Variants in ADCK1 observed in about 807,000 individuals in gnomAD.
The protein encoded by ADCK1 is aarF domain-containing protein kinase 1.
In ADCK1, 41 loss-of-function variants were observed where a neutral mutation model predicts 52.3. That is an observed-to-expected ratio of 0.78 (90% CI 0.61 to 1.02). The LOEUF is 1.02. Ranked by LOEUF, ADCK1 falls within the 50% of genes least tolerant of loss-of-function variation. ADCK1 has a pLI of 0.00. For missense variants in ADCK1, 658 were observed against 679.5 expected (o/e 0.97, Z 0.35); for synonymous variants, 250 against 274.6 (o/e 0.91, Z 0.89).
intron 4 of ADCK1, among the ~76,000 whole-genome samples, chr14:77,875,403 G>A (rs2140176530): frequency 6.6e-6 from 1 of 152,154 alleles, no homozygotes; most frequent in African/African-American, 2.4e-5. Context: ...AGTGGGTTGT[G>A]GTCAGAACGT....
intron 5 of ADCK1, among the ~76,000 whole-genome samples, chr14:77,896,139 A>G (rs1215356698): frequency 6.6e-6 from 1 of 151,688 alleles, no homozygotes. Flanking sequence ...AATAATAATG[A>G]ATAGTATTAA....
chr14:77,805,348 G>A (rs1445209169), intron 1 of ADCK1, among the ~76,000 whole-genome samples: 1 of 117,844 alleles, frequency 8.5e-6, no homozygotes, highest in East Asian at 3.1e-4. Flanking sequence ...CGCAACCTCC[G>A]CCACCTGGGT....
intron 2 of ADCK1, among the ~76,000 whole-genome samples, chr14:77,822,079 G>A (rs576019891): frequency 1.3e-5 from 2 of 152,298 alleles, no homozygotes; most frequent in East Asian, 3.9e-4. Context: ...GGAAGGACAA[G>A]CCCCCGTGCT....
chr14:77,852,660 AATATATATATATATATATATATATAT>A (rs370053776), intron 3 of ADCK1, among the ~76,000 whole-genome samples: 8 of 31,734 alleles, frequency 2.5e-4, no homozygotes, highest in South Asian at 9.2e-4. Flanking sequence ...TAAATAAATA[AATATATATATATATATATATATATAT>A]ATATATATAT....
intron 1 of ADCK1, among the ~76,000 whole-genome samples, chr14:77,801,545 A>G (rs1422058547): frequency 1.3e-5 from 2 of 152,070 alleles, no homozygotes; most frequent in East Asian, 1.9e-4. Context: ...CCATTTCTCA[A>G]CTGGCCTCAG....
Position 77,907,815 on chromosome 14 carries a change from C to T in ADCK1, c.754C>T (p.His252Tyr), listed in dbSNP as rs2083701495. 6.2e-7 allele frequency: 1 copy of T among 1,613,522 alleles called. No individual in the cohort carries two copies. Among genetic ancestry groups the T allele is most frequent in the Admixed American group, 1.7e-5 (1 of 59,978 alleles). ...CTTCCTATCCCAGGTCCCCCGAATC[C>T]ACTGGGACCTGTCCACGGAGCGGGT... Reference protein sequence around the residue: ...HFDFLKVPRIHWDLSTERVLL... With the variant: ...HFDFLKVPRIYWDLSTERVLL... The change falls in exon 7 of 11, where the codon CAC (histidine) becomes TAC (tyrosine). Residue 252 changes from histidine (H) to tyrosine (Y), a missense_variant. His to Tyr is a moderately conservative substitution (Grantham distance 83). Coordinates refer to ENST00000238561, the MANE Select transcript of ADCK1 (RefSeq NM_020421.4).
rs116381370 is a variant in ADCK1, at chr14:77,899,764, C to T, written c.741+506C>T. ...TATGGGGAAAATAGAGTTAGGGGCA[C>T]AACACTCAAAAAAATTCATCAGTGG... On this transcript the variant is annotated intron_variant, in intron 6 of 10. Transcript: ENST00000238561. Among the ~76,000 whole-genome samples the T allele has an allele frequency of 5.9e-3, 895 of 152,156 alleles. 8 individuals carry two copies. Among genetic ancestry groups the T allele is most frequent in the African/African-American group, 0.021 (853 of 41,528 alleles).
rs921229224 is a variant in ADCK1, at chr14:77,822,521, A to G, written c.219+3A>G. Reference sequence around the variant, plus strand: ...AGTACTTGCAGCTGAGATCTAAGGTAAGTAACCCATGGGACCCATCTGAGC... The same window carrying G: ...AGTACTTGCAGCTGAGATCTAAGGTGAGTAACCCATGGGACCCATCTGAGC... On this transcript the variant is annotated splice_donor_region_variant and intron_variant, in intron 3 of 10. Coordinates refer to ENST00000238561, the MANE Select transcript of ADCK1 (RefSeq NM_020421.4). 2 of 1,612,118 alleles carry G rather than the reference A, an allele frequency of 1.2e-6. No individual in the cohort carries two copies. Among genetic ancestry groups the G allele is most frequent in the Admixed American group, 3.3e-5 (2 of 60,012 alleles).
intron 4 of ADCK1, among the ~76,000 whole-genome samples, chr14:77,876,230 T>C (rs1349389960): frequency 6.6e-6 from 1 of 152,240 alleles, no homozygotes; most frequent in East Asian, 1.9e-4. Flanking sequence ...TTCCAGCTTA[T>C]AGAAGCCACC....
chr14:77,889,879 A>G (rs536288817), intron 5 of ADCK1, among the ~76,000 whole-genome samples: 2 of 106,748 alleles, frequency 1.9e-5, no homozygotes, highest in Admixed American at 9.8e-5. Context: ...GAGAAGGTAT[A>G]TAGAGTTAAA....
intron 3 of ADCK1, among the ~76,000 whole-genome samples, chr14:77,834,611 C>G (rs898993792): frequency 1.3e-5 from 2 of 152,184 alleles, no homozygotes; most frequent in African/African-American, 4.8e-5. Context: ...CAAAACAACC[C>G]CCTGGGTTTT....
intron 5 of ADCK1, among the ~76,000 whole-genome samples, chr14:77,888,804 A>G (rs1381766033): frequency 2.0e-5 from 3 of 152,220 alleles, no homozygotes; most frequent in Admixed American, 1.3e-4. Flanking sequence ...GTGAAGATAC[A>G]TTCCAAGACC....
intron 4 of ADCK1, among the ~76,000 whole-genome samples, chr14:77,861,104 C>A (rs2098584): frequency 0.36 from 55,393 of 151,990 alleles, 11,236 homozygotes; most frequent in Admixed American, 0.5. Flanking sequence ...TCCCCTCCAC[C>A]CCCTGCCGAT....
At chr14:77,930,917 C>T (rs1947032025) in intron 9 of ADCK1, among the ~76,000 whole-genome samples, 1 of 151,278 alleles carries the variant, frequency 6.6e-6, no homozygotes, top group African/African-American at 2.4e-5. Flanking sequence ...GAGGCCAGAC[C>T]CCAAACTTAA....
Position 77,907,158 on chromosome 14 carries a change from C to T in ADCK1, c.742-645C>T, listed in dbSNP as rs1015512072. 3.1e-4 allele frequency among the ~76,000 whole-genome samples: 47 copies of T among 152,322 alleles called. No homozygotes were observed. The East Asian group carries it at 7.3e-3, about 24-fold the overall frequency. ...TGAACTTCTGAGCTCAAGCAATCCA[C>T]CTGCCCCAGCCTCCCAAAGTGCTGG... is the stretch of plus-strand genomic sequence containing the variant. On this transcript the variant is annotated intron_variant, in intron 6 of 10. Coordinates refer to ENST00000238561, the MANE Select transcript of ADCK1 (RefSeq NM_020421.4).
intron 3 of ADCK1, among the ~76,000 whole-genome samples, chr14:77,848,078 AAAAT>A (rs1267859695): frequency 6.6e-6 from 1 of 152,140 alleles, no homozygotes; most frequent in African/African-American, 2.4e-5. Flanking sequence ...AAAATTTTTT[AAAAT>A]AAATAGAGAT....
intron 1 of ADCK1, among the ~76,000 whole-genome samples, chr14:77,803,489 T>G (rs772248095): frequency 6.6e-5 from 10 of 152,184 alleles, no homozygotes; most frequent in Non-Finnish European, 1.5e-4. Context: ...GGACGGACAT[T>G]TCGTGTGACC....
At chr14:77,893,134 A>C (rs2083317681) in intron 5 of ADCK1, among the ~76,000 whole-genome samples, 1 of 152,152 alleles carries the variant, frequency 6.6e-6, no homozygotes, top group Non-Finnish European at 1.5e-5. Flanking sequence ...TAGTTGGGGC[A>C]ACTCTACTTC....
intron 4 of ADCK1, among the ~76,000 whole-genome samples, chr14:77,862,368 G>T (rs1229599962): frequency 2.6e-5 from 4 of 152,146 alleles, no homozygotes; most frequent in Non-Finnish European, 4.4e-5. Context: ...CAGATGCAGT[G>T]CTGACCTTGG....
Sources: gnomAD v4.1 joint callset for allele counts (sites outside exome capture counted in the v4.1 genomes callset) on GRCh38, gnomAD v4.1.1 for gene constraint, MANE v1.5 for transcripts, NCBI Gene and HGNC (gene_info 2026-07-23, HGNC 2026-07-21) for gene names.